ADAMTSL1: variants seen among roughly 807,000 people sequenced by gnomAD.
The protein encoded by ADAMTSL1 is ADAMTS-like protein 1.
A neutral mutation model predicts 201.8 loss-of-function variants in ADAMTSL1; 126 were observed. That is an observed-to-expected ratio of 0.62 (90% CI 0.54 to 0.72). The LOEUF is 0.72. Ranked by LOEUF, ADAMTSL1 falls within the 30% of genes least tolerant of loss-of-function variation. The pLI, the probability that ADAMTSL1 is intolerant of heterozygous loss-of-function variation, is 0.00. For synonymous variants in ADAMTSL1, 1,121 were observed against 903.4 expected, an observed-to-expected ratio of 1.24 and a Z score of -4.32; for missense variants, 2,679 against 2,277.8, an observed-to-expected ratio of 1.18 and a Z score of -3.59.
intron 7 of ADAMTSL1, among the ~76,000 whole-genome samples, chr9:18,646,279 G>T (rs1827806500): frequency 6.6e-6 from 1 of 152,082 alleles, no homozygotes; most frequent in African/African-American, 2.4e-5. Flanking sequence ...TCAGCTTAAG[G>T]AGATTTTGGG....
At chr9:18,890,724 C>A (rs186188364) in intron 25 of ADAMTSL1, 12 of 363,616 alleles carry the variant, frequency 3.3e-5, no homozygotes, top group East Asian at 8.0e-5. Context: ...TTCTCAAACC[C>A]CCCCCACCCC....
chr9:18,659,078 A>G (rs1828895820), intron 8 of ADAMTSL1, among the ~76,000 whole-genome samples: 1 of 152,232 alleles, frequency 6.6e-6, no homozygotes, highest in South Asian at 2.1e-4. Context: ...TATTCTTTTG[A>G]AAATTAGCAC....
chr9:18,763,258 G>C (rs1450879444), intron 16 of ADAMTSL1, among the ~76,000 whole-genome samples: 1 of 152,174 alleles, frequency 6.6e-6, no homozygotes, highest in Non-Finnish European at 1.5e-5. Context: ...TTGATGATCA[G>C]TGATGCTGAG....
At chr9:18,122,021 C>T (rs952550349) in intron 1 of ADAMTSL1, among the ~76,000 whole-genome samples, 5 of 152,090 alleles carry the variant, frequency 3.3e-5, no homozygotes, top group African/African-American at 1.2e-4. Context: ...TATAAAATAT[C>T]CAGAATAGGC....
At chr9:18,649,120 C>T (rs990622565) in intron 7 of ADAMTSL1, among the ~76,000 whole-genome samples, 6 of 152,162 alleles carry the variant, frequency 3.9e-5, no homozygotes, top group Admixed American at 1.3e-4. Flanking sequence ...CTTCCTTTCT[C>T]GCTTCATTTC....
At chr9:18,539,220 C>G (rs1316581287) in intron 3 of ADAMTSL1, among the ~76,000 whole-genome samples, 2 of 152,210 alleles carry the variant, frequency 1.3e-5, no homozygotes. Flanking sequence ...ATTGAACACC[C>G]AACTCCTGTT....
Position 18,770,772 on chromosome 9 carries a change from C to G in ADAMTSL1, c.2388C>G (p.Asp796Glu). ...DDCPSEWLLS[D>E]WTECSTSCGE... ...GTCCCAGCGAGTGGCTTCTCTCAGA[C>G]TGGACAGAGGTATGTATGTTCCTCC... Residue 796 changes from aspartate to glutamate, a missense_variant, in exon 17 of 29, where the codon GAC becomes GAG. Coordinates refer to ENST00000380548, the MANE Select transcript of ADAMTSL1 (RefSeq NM_001040272.6). 1 of 1,613,732 alleles carries G rather than the reference C, an allele frequency of 6.2e-7. No homozygotes were observed. Among genetic ancestry groups the G allele is most frequent in the Non-Finnish European group, 8.5e-7 (1 of 1,179,840 alleles).
chr9:18,084,097 C>T (rs1204236730), intron 1 of ADAMTSL1, among the ~76,000 whole-genome samples: 1 of 152,230 alleles, frequency 6.6e-6, no homozygotes, highest in Non-Finnish European at 1.5e-5. Flanking sequence ...TCCCTACCTC[C>T]CAAACAAATT....
chr9:18,103,444 G>C (rs531492674), intron 1 of ADAMTSL1, among the ~76,000 whole-genome samples: 1 of 152,184 alleles, frequency 6.6e-6, no homozygotes, highest in South Asian at 2.1e-4. Flanking sequence ...TAAATTTCAA[G>C]AAATAATCTA....
intron 1 of ADAMTSL1, among the ~76,000 whole-genome samples, chr9:18,121,575 G>T (rs1222826536): frequency 6.6e-6 from 1 of 152,076 alleles, no homozygotes; most frequent in Non-Finnish European, 1.5e-5. Flanking sequence ...ATAAGGAAAA[G>T]TTATTTGAAA....
chr9:18,524,825 C>T (rs373469860), intron 2 of ADAMTSL1, among the ~76,000 whole-genome samples: 3 of 152,162 alleles, frequency 2.0e-5, no homozygotes, highest in East Asian at 3.8e-4. Context: ...TTTTGATGTG[C>T]TGCTGGATTC....
At chr9:17,937,404 C>T (rs763642406) in intron 1 of ADAMTSL1, among the ~76,000 whole-genome samples, 10 of 152,070 alleles carry the variant, frequency 6.6e-5, no homozygotes, top group East Asian at 3.9e-4. Flanking sequence ...GTTCTCTCTG[C>T]GGCTCCACAC....
intron 26 of ADAMTSL1, among the ~76,000 whole-genome samples, chr9:18,895,855 G>A (rs1829601509): frequency 6.6e-6 from 1 of 152,102 alleles, no homozygotes; most frequent in African/African-American, 2.4e-5. Context: ...GGAAAATATG[G>A]CCCATTTTAA....
chr9:18,890,816 G>A (rs1002136303), intron 25 of ADAMTSL1: 2 of 327,510 alleles, frequency 6.1e-6, no homozygotes, highest in African/African-American at 4.4e-5. Flanking sequence ...AGGGATATAA[G>A]AGGCTGGAAA....
rs936383531 is a variant in ADAMTSL1 at position 18,892,668 on chromosome 9, A to C, written c.4851+72A>C. 158 of 1,478,024 alleles carry C rather than the reference A, an allele frequency of 1.1e-4. 2 individuals are homozygous for C. Among genetic ancestry groups the C allele is most frequent in the Non-Finnish European group, 1.3e-4 (145 of 1,097,262 alleles). 91.6% of individuals were successfully genotyped at this position (1,478,024 alleles called of 1,614,324 possible). On this transcript the variant is annotated intron_variant, in intron 26 of 28. Coordinates refer to ENST00000380548, the MANE Select transcript of ADAMTSL1 (RefSeq NM_001040272.6). Reference sequence around the variant, plus strand: ...TGGACCCTGCCACAGTAGGAAGTGAAATGCTATCACTGCCACTGCCACCTC... The same window carrying C: ...TGGACCCTGCCACAGTAGGAAGTGACATGCTATCACTGCCACTGCCACCTC...
chr9:18,604,633 T>C (rs1824890242), intron 4 of ADAMTSL1, among the ~76,000 whole-genome samples: 1 of 152,230 alleles, frequency 6.6e-6, no homozygotes, highest in Non-Finnish European at 1.5e-5. Flanking sequence ...GTTGTATGAA[T>C]ATATAACATT....
intron 2 of ADAMTSL1, among the ~76,000 whole-genome samples, chr9:18,307,912 A>G (rs1833972074): frequency 6.6e-6 from 1 of 152,134 alleles, no homozygotes; most frequent in Non-Finnish European, 1.5e-5. Flanking sequence ...GCACCACATA[A>G]CATTTATTTT....
At chr9:18,646,874 G>T (rs1414496654) in intron 7 of ADAMTSL1, among the ~76,000 whole-genome samples, 1 of 152,066 alleles carries the variant, frequency 6.6e-6, no homozygotes, top group Non-Finnish European at 1.5e-5. Flanking sequence ...TCTCTGCCCG[G>T]CTTTGGTATC....
chr9:18,422,672 A>G (rs555999608), intron 2 of ADAMTSL1, among the ~76,000 whole-genome samples: 42 of 152,268 alleles, frequency 2.8e-4, no homozygotes, highest in Admixed American at 1.9e-3. Context: ...TCACCCTTCA[A>G]GAGCCCACTG....
Sources: gnomAD v4.1 joint callset for allele counts (sites outside exome capture counted in the v4.1 genomes callset) on GRCh38, gnomAD v4.1.1 for gene constraint, MANE v1.5 for transcripts, NCBI Gene and HGNC (gene_info 2026-07-23, HGNC 2026-07-21) for gene names.